Variants in B3GALT5 observed in about 807,000 individuals in gnomAD.
B3GALT5 encodes the protein beta-1,3-galactosyltransferase 5.
For synonymous variants in B3GALT5, 156 were observed against 158.6 expected (o/e 0.98, Z 0.12); for missense variants, 328 against 396.6 (o/e 0.83, Z 1.47).
chr21:39,647,730 A>T (rs1031290914), intron 2 of B3GALT5, among the ~76,000 whole-genome samples: 1 of 152,126 alleles, frequency 6.6e-6, no homozygotes, highest in Non-Finnish European at 1.5e-5. Context: ...CAAATTCTTC[A>T]TGGAGACCTT....
At chr21:39,626,251 A>G (rs2079163236) in intron 1 of B3GALT5, among the ~76,000 whole-genome samples, 2 of 152,228 alleles carry the variant, frequency 1.3e-5, no homozygotes, top group Admixed American at 1.3e-4. Flanking sequence ...AGCATGTGAC[A>G]GAATTTCCTT....
chr21:39,621,844 A>G (rs998068617), intron 1 of B3GALT5, among the ~76,000 whole-genome samples: 50 of 151,912 alleles, frequency 3.3e-4, no homozygotes, highest in Non-Finnish European at 6.2e-4. Flanking sequence ...AGTTTTTCTG[A>G]AAGAAACAGT....
intron 2 of B3GALT5, among the ~76,000 whole-genome samples, chr21:39,649,639 T>A (rs2079375480): frequency 6.9e-6 from 1 of 145,398 alleles, no homozygotes; most frequent in Non-Finnish European, 1.5e-5. Context: ...GGTGGAAAGT[T>A]ACTAAGAGGA....
At position 39,612,967 on chromosome 21, in the gene B3GALT5, G is replaced by A. The variant is rs2079087531; in HGVS notation, c.-492G>A. The A allele has an allele frequency of 6.6e-6, 1 of 151,760 alleles. No individual in the cohort carries two copies. The highest frequency in any genetic ancestry group is 1.5e-5 in the Non-Finnish European group (1 of 67,922). 9.4% of individuals were successfully genotyped at this position (151,760 alleles called of 1,614,324 possible). A position where few individuals can be genotyped will look rare whatever the true frequency, so the allele number is the denominator to read the frequency against. On this transcript the variant is annotated 5_prime_UTR_variant, in exon 1 of 4. Coordinates refer to ENST00000684187, the MANE Select transcript of B3GALT5 (RefSeq NM_001356336.2). ...CCTCGGCCTGGACCCAGCGCCTCCGGGGACCGGCCGCGCGCCCCCTGCGTC... is the reference window on the plus strand; with the variant it reads ...CCTCGGCCTGGACCCAGCGCCTCCGAGGACCGGCCGCGCGCCCCCTGCGTC...
chr21:39,651,772 G>A (rs1354332598), intron 2 of B3GALT5, among the ~76,000 whole-genome samples: 3 of 111,810 alleles, frequency 2.7e-5, no homozygotes, highest in African/African-American at 9.5e-5. Context: ...CAAAGTTAAG[G>A]CAGTTTTTTT....
chr21:39,662,608 C>A lies in B3GALT5; in HGVS notation c.*1116C>A, dbSNP rs952520815. The A allele has an allele frequency of 6.0e-6, 1 of 167,306 alleles. No homozygotes were observed. Among genetic ancestry groups the A allele is most frequent in the Admixed American group, 6.5e-5 (1 of 15,274 alleles). The allele number at this position is 167,306 out of a possible 1,614,324, so 10.4% of individuals were successfully genotyped here. On this transcript the variant is annotated 3_prime_UTR_variant, in exon 4 of 4. Coordinates refer to ENST00000684187, the MANE Select transcript of B3GALT5 (RefSeq NM_001356336.2). ...ATCTTCATTGAATGTCTCATTTGGCCGAGGAACAACTGAACTTTGTGGTTT... is the reference window on the plus strand; with the variant it reads ...ATCTTCATTGAATGTCTCATTTGGCAGAGGAACAACTGAACTTTGTGGTTT...
chr21:39,621,117 A>G lies in B3GALT5; in HGVS notation c.-392+8050A>G, dbSNP rs74623463. ...CTTTCTCTGAGAAAAAAAAGTGATA[A>G]TGGACATCCTTGTCTTCACCTTCAC... On this transcript the variant is annotated intron_variant, in intron 1 of 3. Coordinates refer to ENST00000684187, the MANE Select transcript of B3GALT5 (RefSeq NM_001356336.2). Among the ~76,000 whole-genome samples, 1,389 of 152,296 alleles carry G rather than the reference A, an allele frequency of 9.1e-3. 12 individuals carry two copies. Among genetic ancestry groups the G allele is most frequent in the African/African-American group, 0.03 (1,242 of 41,560 alleles).
At chr21:39,622,745 C>T (rs939611862) in intron 1 of B3GALT5, among the ~76,000 whole-genome samples, 1 of 151,884 alleles carries the variant, frequency 6.6e-6, no homozygotes, top group Non-Finnish European at 1.5e-5. Flanking sequence ...ATTCTTTTAT[C>T]TCATTATGTG....
intron 1 of B3GALT5, among the ~76,000 whole-genome samples, chr21:39,639,440 CTTTCTTTCTTTCTTTT>C (rs1271474478): frequency 5.2e-5 from 6 of 114,370 alleles, no homozygotes; most frequent in South Asian, 2.7e-4. Context: ...TTCTTTCTTT[CTTTCTTTCTTTCTTTT>C]TTTCTTTCTC....
In B3GALT5 at chr21:39,672,782, A is replaced by T. The variant is rs767665349; in HGVS notation, c.*11290A>T. On this transcript the variant is annotated 3_prime_UTR_variant, in exon 4 of 4. Coordinates refer to ENST00000684187, the MANE Select transcript of B3GALT5 (RefSeq NM_001356336.2). ...TTTATATGTGTAGAAAAATGTACTG[A>T]ACAATGTTGACATGCTTATTTTTGT... The T allele has an allele frequency of 4.6e-5, 7 of 152,160 alleles. No individual in the cohort carries two copies. The highest frequency in any genetic ancestry group is 8.8e-5 in the Non-Finnish European group (6 of 68,036). 9.4% of individuals were successfully genotyped at this position (152,160 alleles called of 1,614,324 possible).
intron 1 of B3GALT5, among the ~76,000 whole-genome samples, chr21:39,644,582 G>A (rs1049425285): frequency 1.3e-5 from 2 of 152,190 alleles, no homozygotes; most frequent in Non-Finnish European, 2.9e-5. Flanking sequence ...AGCTTCAGCG[G>A]CTTACAGAAC....
intron 2 of B3GALT5, among the ~76,000 whole-genome samples, chr21:39,652,990 C>CT (rs2079409597): frequency 6.6e-6 from 1 of 152,118 alleles, no homozygotes; most frequent in Non-Finnish European, 1.5e-5. Flanking sequence ...GTGAAGTGTG[C>CT]AAATCTTCGC....
intron 2 of B3GALT5, among the ~76,000 whole-genome samples, chr21:39,651,193 CCCTT>C (rs1451670405): frequency 1.3e-5 from 2 of 152,184 alleles, no homozygotes; most frequent in Non-Finnish European, 2.9e-5. Flanking sequence ...TGAAATTGAG[CCCTT>C]CCTTTCTTTA....
At position 39,670,099 on chromosome 21, in the gene B3GALT5, G is replaced by T. The variant is rs778784749; in HGVS notation, c.*8607G>T. On this transcript the variant is annotated 3_prime_UTR_variant, in exon 4 of 4. Transcript: ENST00000684187. Reference sequence around the variant, plus strand: ...CTTGAGGTTACTCAAGTGTCCAATGGCAGCCCAAACAAATGTCTGGCTTCA... The same window carrying T: ...CTTGAGGTTACTCAAGTGTCCAATGTCAGCCCAAACAAATGTCTGGCTTCA... The T allele has an allele frequency of 6.6e-6, 1 of 152,248 alleles. No homozygotes were observed. The allele number at this position is 152,248 out of a possible 1,614,324, so 9.4% of individuals were successfully genotyped here.
intron 1 of B3GALT5, among the ~76,000 whole-genome samples, chr21:39,639,909 A>T (rs567862061): frequency 6.6e-5 from 10 of 152,152 alleles, no homozygotes; most frequent in Non-Finnish European, 8.8e-5. Flanking sequence ...GAATGTCTAT[A>T]AAGGGCTAAA....
chr21:39,635,321 G>T (rs145307757), intron 1 of B3GALT5, among the ~76,000 whole-genome samples: 2 of 152,114 alleles, frequency 1.3e-5, no homozygotes, highest in African/African-American at 2.4e-5. Context: ...GAGTGAAGGT[G>T]TGTGAGTCAA....
chr21:39,639,452 CTTTTTTTCTT>C (rs1288032073), intron 1 of B3GALT5, among the ~76,000 whole-genome samples: 11 of 118,868 alleles, frequency 9.3e-5, no homozygotes, highest in African/African-American at 3.1e-4. Flanking sequence ...TTCTTTCTTT[CTTTTTTTCTT>C]TCTCTCTCTC....
chr21:39,669,011 A>G lies in B3GALT5; in HGVS notation c.*7519A>G, dbSNP rs1459495722. The G allele has an allele frequency of 6.6e-6, 1 of 152,226 alleles. No homozygotes were observed. Among genetic ancestry groups the G allele is most frequent in the Non-Finnish European group, 1.5e-5 (1 of 68,050 alleles). The allele number at this position is 152,226 out of a possible 1,614,324, so 9.4% of individuals were successfully genotyped here. ...TATGGTGGTGTATACAGCACTATCT[A>G]TCAGTGTACCTGTCAGTGTCTGGTG... On this transcript the variant is annotated 3_prime_UTR_variant, in exon 4 of 4. Coordinates refer to ENST00000684187, the MANE Select transcript of B3GALT5 (RefSeq NM_001356336.2).
intron 2 of B3GALT5, among the ~76,000 whole-genome samples, chr21:39,647,373 A>G (rs569124165): frequency 6.6e-6 from 1 of 152,314 alleles, no homozygotes; most frequent in African/African-American, 2.4e-5. Flanking sequence ...CCTCATATAA[A>G]TTGAAATCCA....
Sources: allele counts gnomAD v4.1 joint callset (sites outside exome capture counted in the v4.1 genomes callset), GRCh38; gene constraint gnomAD v4.1.1; transcripts MANE v1.5; gene names NCBI Gene and HGNC (gene_info 2026-07-23, HGNC 2026-07-21).